Variants in TFDP2 observed in about 807,000 individuals in gnomAD.
The protein encoded by TFDP2 is transcription factor Dp-2 (E2F dimerization partner 2).
A neutral mutation model predicts 59.3 loss-of-function variants in TFDP2; 17 were observed. That is an observed-to-expected ratio of 0.29 (90% CI 0.20 to 0.43). TFDP2 has a LOEUF of 0.43. TFDP2 is among the 20% of genes least tolerant of loss of function. TFDP2 has a pLI of 1.00. For synonymous variants in TFDP2, 180 were observed against 194.7 expected (o/e 0.92, Z 0.63); for missense variants, 391 against 528.8 (o/e 0.74, Z 2.56).
chr3:142,148,411 T>C (rs1334065731), intron 1 of TFDP2, among the ~76,000 whole-genome samples: 6 of 152,214 alleles, frequency 3.9e-5, no homozygotes, highest in Non-Finnish European at 7.4e-5. Context: ...TGGCAGTCAA[T>C]AATAAAAGTG....
At chr3:141,978,494 C>T (rs1434240474) in intron 7 of TFDP2, 26 bp downstream of exon 7, 3 of 1,592,924 alleles carry the variant, frequency 1.9e-6, no homozygotes, top group African/African-American at 2.7e-5. Context: ...CCATCAAAAT[C>T]AATGTCAGGT....
intron 1 of TFDP2, among the ~76,000 whole-genome samples, chr3:142,132,144 G>A (rs1436922706): frequency 1.3e-5 from 2 of 149,916 alleles, no homozygotes; most frequent in African/African-American, 5.1e-5. Flanking sequence ...ACATTATTTT[G>A]CAATATAAAG....
At chr3:142,005,868 G>T (rs185270085) in intron 3 of TFDP2, among the ~76,000 whole-genome samples, 1 of 151,956 alleles carries the variant, frequency 6.6e-6, no homozygotes, top group Non-Finnish European at 1.5e-5. Flanking sequence ...AATATGTAAC[G>T]CAAATCACAG....
In TFDP2 at chr3:141,959,542, TGTTAAAG is replaced by T. The variant is rs1442847882; in HGVS notation, c.1051+125_1051+131del. 1.1e-5 allele frequency: 10 copies of T among 915,746 alleles called. No homozygotes were observed. In the East Asian group the frequency reaches 2.4e-4, roughly 22 times the overall value. The allele number at this position is 915,746 out of a possible 1,614,324, so 56.7% of individuals were successfully genotyped here. ...AATTTTTGAAAAAATGGTCCTAAAGTGTTAAAGGTTTCAGTTTGTCGACACAAGCACA... is the reference window on the plus strand; with the variant it reads ...AATTTTTGAAAAAATGGTCCTAAAGTGTTTCAGTTTGTCGACACAAGCACA... On this transcript the variant is annotated intron_variant, in intron 11 of 12. Coordinates refer to ENST00000489671, the MANE Select transcript of TFDP2 (RefSeq NM_001178139.2).
At chr3:142,107,535 G>A (rs1459407491) in intron 1 of TFDP2, among the ~76,000 whole-genome samples, 4 of 152,020 alleles carry the variant, frequency 2.6e-5, no homozygotes, top group Non-Finnish European at 5.9e-5. Context: ...CCCGGCCCTA[G>A]AAGATATTTT....
At chr3:142,009,616 G>A (rs1480799023) in intron 3 of TFDP2, among the ~76,000 whole-genome samples, 1 of 151,598 alleles carries the variant, frequency 6.6e-6, no homozygotes, top group African/African-American at 2.4e-5. Flanking sequence ...GGAGGCTGAG[G>A]CATGAGAATC....
At chr3:142,051,330 G>A (rs1947615363) in intron 3 of TFDP2, among the ~76,000 whole-genome samples, 1 of 152,126 alleles carries the variant, frequency 6.6e-6, no homozygotes, top group Non-Finnish European at 1.5e-5. Flanking sequence ...CTTGAGATCA[G>A]GTGTTTGAGA....
At chr3:142,132,528 G>C (rs572202438) in intron 1 of TFDP2, among the ~76,000 whole-genome samples, 1 of 149,500 alleles carries the variant, frequency 6.7e-6, no homozygotes, top group Non-Finnish European at 1.5e-5. Flanking sequence ...GGCAGATCAC[G>C]AGGTCAGGAG....
At chr3:141,973,093 G>GTATATATATATATATATATATATATA (rs1553761666) in intron 8 of TFDP2, among the ~76,000 whole-genome samples, 3 of 103,160 alleles carry the variant, frequency 2.9e-5, no homozygotes, top group Non-Finnish European at 3.9e-5. Context: ...AAAGCTATGT[G>GTATATATATATATATATATATATATA]TATATATATA....
intron 6 of TFDP2, among the ~76,000 whole-genome samples, chr3:141,989,707 G>GT: frequency 6.6e-6 from 1 of 152,180 alleles, no homozygotes; most frequent in South Asian, 2.1e-4. Context: ...GAGCCTCTCT[G>GT]TGACAATGTA....
At position 142,074,359 on chromosome 3, in the gene TFDP2, A is replaced by G. The variant is rs571755605; in HGVS notation, c.82+18702T>C. 4.6e-5 allele frequency among the ~76,000 whole-genome samples: 7 copies of G among 151,630 alleles called. No individual in the cohort carries two copies. The South Asian group carries it at 1.5e-3, about 32-fold the overall frequency. ...AGGAAGTGGAGGTTGAAGTGAGTTG[A>G]GATTATACCACTGCACTCCAGCCTG... is the stretch of plus-strand genomic sequence containing the variant. On this transcript the variant is annotated intron_variant, in intron 3 of 12. Transcript: ENST00000489671.
At chr3:141,968,323 CATATA>C (rs1307420773) in intron 9 of TFDP2, among the ~76,000 whole-genome samples, 3,261 of 118,368 alleles carry the variant, frequency 0.028, 238 homozygotes, top group Non-Finnish European at 0.042. Flanking sequence ...CTATATATAA[CATATA>C]ATATATATAA....
chr3:141,961,929 A>G (rs1225688657), intron 10 of TFDP2, among the ~76,000 whole-genome samples: 1 of 152,148 alleles, frequency 6.6e-6, no homozygotes, highest in Non-Finnish European at 1.5e-5. Context: ...AACCTGGGCA[A>G]CAGTGAGAAC....
At chr3:142,079,023 A>G (rs79066688) in intron 3 of TFDP2, among the ~76,000 whole-genome samples, 6,711 of 152,118 alleles carry the variant, frequency 0.044, 511 homozygotes, top group African/African-American at 0.15. Context: ...TGAAAAATGT[A>G]TGAGTCTTCT....
intron 3 of TFDP2, among the ~76,000 whole-genome samples, chr3:142,074,269 C>T (rs559720241): frequency 5.3e-5 from 8 of 152,112 alleles, no homozygotes; most frequent in South Asian, 2.1e-4. Flanking sequence ...ACTAGCCAGG[C>T]ATGGTGGCAC....
chr3:141,998,776 A>G (rs2108224276), intron 4 of TFDP2, among the ~76,000 whole-genome samples: 1 of 152,278 alleles, frequency 6.6e-6, no homozygotes, highest in Middle Eastern at 3.4e-3. Context: ...TTCTCTGACA[A>G]TAGAATTAGT....
intron 5 of TFDP2, chr3:141,994,454 TAA>T (rs546653235): frequency 2.2e-4 from 34 of 152,298 alleles, no homozygotes; most frequent in African/African-American, 7.9e-4. Context: ...ACTAAAATGA[TAA>T]AGAGTGGAGA....
rs558792140 is a variant in TFDP2 at position 142,073,465 on chromosome 3, C to G, written c.82+19596G>C. ...TTAAAAACAAACAAACAACCCCCCCCCCCCCGCAAAAAAAAAAAATAAAAA... is the reference window on the plus strand; with the variant it reads ...TTAAAAACAAACAAACAACCCCCCCGCCCCCGCAAAAAAAAAAAATAAAAA... On this transcript the variant is annotated intron_variant, in intron 3 of 12. Coordinates refer to ENST00000489671, the MANE Select transcript of TFDP2 (RefSeq NM_001178139.2). Among the ~76,000 whole-genome samples the G allele has an allele frequency of 1.2e-3, 85 of 70,158 alleles. 19 individuals carry two copies. In the East Asian group the frequency reaches 0.018, roughly 15 times the overall value. The allele number at this position is 70,158 out of a possible 152,430, so 46.0% of individuals were successfully genotyped here.
chr3:142,144,235 G>A (rs1199215591), intron 1 of TFDP2, among the ~76,000 whole-genome samples: 4 of 152,094 alleles, frequency 2.6e-5, no homozygotes, highest in African/African-American at 7.2e-5. Context: ...TTAGCCAGGT[G>A]TGGTGGCACA....
Sources: gnomAD v4.1 joint callset for allele counts (sites outside exome capture counted in the v4.1 genomes callset) on GRCh38, gnomAD v4.1.1 for gene constraint, MANE v1.5 for transcripts, NCBI Gene and HGNC (gene_info 2026-07-23, HGNC 2026-07-21) for gene names.